SCN2A: variants seen among roughly 807,000 people sequenced by gnomAD.
SCN2A encodes sodium channel protein type 2 subunit alpha.
Under a neutral mutation model 188.7 loss-of-function variants are expected in SCN2A, and 20 were observed. The ratio of observed to expected loss-of-function variants is 0.11; its 90% CI spans 0.07 to 0.15. SCN2A has a LOEUF of 0.15. Among genes scored for constraint, SCN2A ranks in the 10% least tolerant of loss-of-function variants. The probability of loss-of-function intolerance (pLI) is 1.00; values close to 1 mark genes in which losing one functional copy is unlikely to be tolerated. For synonymous variants in SCN2A, 804 were observed against 833.1 expected (o/e 0.97, Z 0.60); for missense variants, 1,278 against 2,445.0 (o/e 0.52, Z 10.07).
intron 11 of SCN2A, 74 bp downstream of exon 11, chr2:165,315,832 A>G: frequency 6.5e-7 from 1 of 1,527,176 alleles, no homozygotes; most frequent in Non-Finnish European, 9.0e-7. Context: ...TAATGGAGAG[A>G]AAACCGCCTT....
chr2:165,386,718 T>G, intron 25 of SCN2A, 28 bp from the exon 26 acceptor site: 2 of 1,604,546 alleles, frequency 1.2e-6, no homozygotes, highest in South Asian at 2.2e-5. Context: ...AGGTTTCTAA[T>G]GGAACTTTTA....
chr2:165,254,028 A>G (rs1404053320), intron 1 of SCN2A, among the ~76,000 whole-genome samples: 1 of 151,880 alleles, frequency 6.6e-6, no homozygotes, highest in Non-Finnish European at 1.5e-5. Flanking sequence ...TTTGACATAA[A>G]TATTTATAGT....
Position 165,321,436 on chromosome 2 carries a change from C to T in SCN2A, c.1672-1720C>T, listed in dbSNP as rs148180157. On this transcript the variant is annotated intron_variant, in intron 11 of 26. Transcript: ENST00000375437. The stretch of plus-strand genomic sequence containing the variant: ...ACATTTTTGGGTATCTTTTCAGCAG[C>T]GTCCCACTCCTGGTATCAATTTACT... Among the ~76,000 whole-genome samples, 1,248 of 152,288 alleles carry T rather than the reference C, an allele frequency of 8.2e-3. 24 individuals carry two copies. Among genetic ancestry groups the T allele is most frequent in the African/African-American group, 0.028 (1,153 of 41,544 alleles).
chr2:165,307,957 A>G lies in SCN2A; in HGVS notation c.476+20A>G. On this transcript the variant is annotated intron_variant, in intron 4 of 26. Coordinates refer to ENST00000375437, the MANE Select transcript of SCN2A (RefSeq NM_001040142.2). The stretch of plus-strand genomic sequence containing the variant: ...TGTGGAGTAAGTATAAATATTTTTC[A>G]ATATTGACCTCCCTTTATGTTTCAT... The G allele has an allele frequency of 6.8e-7, 1 of 1,465,034 alleles. No homozygotes were observed. The highest frequency in any genetic ancestry group is 9.6e-7 in the Non-Finnish European group (1 of 1,044,568). 90.8% of individuals were successfully genotyped at this position (1,465,034 alleles called of 1,614,324 possible). A position where few individuals can be genotyped will look rare whatever the true frequency, so the allele number is the denominator to read the frequency against.
At position 165,291,600 on chromosome 2, in the gene SCN2A, T is replaced by TC. The variant is rs1559340872; in HGVS notation, c.-51-4173_-51-4172insC. Among the ~76,000 whole-genome samples, 221 of 93,422 alleles carry TC rather than the reference T, an allele frequency of 2.4e-3. 7 individuals are homozygous for TC. Among genetic ancestry groups the TC allele is most frequent in the South Asian group, 0.01 (29 of 2,892 alleles). The allele number at this position is 93,422 out of a possible 152,430, so 61.3% of individuals were successfully genotyped here. ...TTCTCTCTCTCTCTCTCTCTCTCTC[T>TC]TTCTTTCTTTGTCTTGCTCTATCTC... On this transcript the variant is annotated intron_variant, in intron 1 of 26. Transcript: ENST00000375437.
chr2:165,312,889 T>A (rs1697518205), intron 8 of SCN2A, among the ~76,000 whole-genome samples: 1 of 152,162 alleles, frequency 6.6e-6, no homozygotes, highest in Non-Finnish European at 1.5e-5. Flanking sequence ...GATAATAGGC[T>A]TTCCATTTGG....
chr2:165,345,178 G>C, intron 16 of SCN2A, among the ~76,000 whole-genome samples: 1 of 152,012 alleles, frequency 6.6e-6, no homozygotes, highest in East Asian at 1.9e-4. Context: ...TTCAGTTCTT[G>C]TACTAGAGCA....
intron 1 of SCN2A, among the ~76,000 whole-genome samples, chr2:165,291,802 CAT>C (rs1696219470): frequency 1.3e-5 from 2 of 151,746 alleles, no homozygotes; most frequent in South Asian, 4.2e-4. Flanking sequence ...CCTGACTACT[CAT>C]AGGTTTCAAA....
intron 22 of SCN2A, 94 bp downstream of exon 22, chr2:165,375,060 C>T: frequency 9.3e-7 from 1 of 1,076,204 alleles, no homozygotes; most frequent in South Asian, 1.4e-5. Flanking sequence ...GTTAGAATGG[C>T]TATTATCAAA....
intron 3 of SCN2A, among the ~76,000 whole-genome samples, chr2:165,304,854 T>A (rs1353532666): frequency 6.6e-6 from 1 of 152,222 alleles, no homozygotes; most frequent in African/African-American, 2.4e-5. Flanking sequence ...GCGTCTTGAC[T>A]CTGTGTTAAG....
intron 11 of SCN2A, chr2:165,320,179 C>A (rs1697996440): frequency 6.6e-6 from 1 of 152,222 alleles, no homozygotes. Flanking sequence ...CAAAATCCAG[C>A]AGGGCAGTCA....
intron 1 of SCN2A, among the ~76,000 whole-genome samples, chr2:165,244,070 T>A (rs1030875336): frequency 3.9e-5 from 6 of 151,904 alleles, no homozygotes; most frequent in African/African-American, 1.4e-4. Context: ...GGTGAAAACC[T>A]GTCTCTAGTA....
intron 25 of SCN2A, among the ~76,000 whole-genome samples, chr2:165,381,833 G>A (rs944326659): frequency 4.0e-5 from 6 of 151,898 alleles, no homozygotes; most frequent in African/African-American, 4.8e-5. Context: ...CAGGAGAATC[G>A]CTAAGTTTTT....
intron 3 of SCN2A, among the ~76,000 whole-genome samples, chr2:165,302,796 T>C (rs1696894001): frequency 6.6e-6 from 1 of 152,162 alleles, no homozygotes; most frequent in African/African-American, 2.4e-5. Flanking sequence ...GCCAGTGTTA[T>C]GATGATCCAG....
chr2:165,327,246 G>T, intron 13 of SCN2A: 1 of 432,532 alleles, frequency 2.3e-6, no homozygotes, highest in Non-Finnish European at 4.3e-6. Flanking sequence ...TCTAAACATT[G>T]AAACTTGTGT....
chr2:165,367,465 GT>G, intron 19 of SCN2A, 94 bp downstream of exon 19: 1 of 1,371,746 alleles, frequency 7.3e-7, no homozygotes, highest in East Asian at 2.3e-5. Flanking sequence ...AAATTAAGGT[GT>G]TTGTAAGAAT....
At position 165,370,269 on chromosome 2, in the gene SCN2A, C is replaced by T. The variant is rs2105365337; in HGVS notation, c.3819C>T (p.Ala1273=). Reference sequence around the variant, plus strand: ...GTTTTCAAGTGTATTTTACCAATGCCTGGTGCTGGCTAGACTTCCTGATTG... The same window carrying T: ...GTTTTCAAGTGTATTTTACCAATGCTTGGTGCTGGCTAGACTTCCTGATTG... ...AYGFQVYFTN[A]WCWLDFLIVD... The change falls in exon 20 of 27, where the codon GCC becomes GCT. Residue 1273 remains alanine (A), a synonymous_variant. Coordinates refer to ENST00000375437, the MANE Select transcript of SCN2A (RefSeq NM_001040142.2). 2 of 1,614,056 alleles carry T rather than the reference C, an allele frequency of 1.2e-6. No homozygotes were observed. Among genetic ancestry groups the T allele is most frequent in the Non-Finnish European group, 1.7e-6 (2 of 1,179,978 alleles).
At chr2:165,289,097 T>C (rs367796527) in intron 1 of SCN2A, among the ~76,000 whole-genome samples, 3 of 152,032 alleles carry the variant, frequency 2.0e-5, no homozygotes, top group East Asian at 3.8e-4. Context: ...TAAACTAATA[T>C]AAAATTATGT....
At chr2:165,334,625 G>A (rs556378655) in intron 14 of SCN2A, among the ~76,000 whole-genome samples, 1 of 151,694 alleles carries the variant, frequency 6.6e-6, no homozygotes. Flanking sequence ...ACTTCAGCCT[G>A]ATAAACACCA....
Sources: allele counts gnomAD v4.1 joint callset (sites outside exome capture counted in the v4.1 genomes callset), GRCh38; gene constraint gnomAD v4.1.1; transcripts MANE v1.5; gene names NCBI Gene and HGNC (gene_info 2026-07-23, HGNC 2026-07-21).